Variants in DHX35 observed in about 807,000 individuals in gnomAD.
DHX35 encodes DEAH-box helicase 35.
In DHX35, 84 loss-of-function variants were observed where a neutral mutation model predicts 99.6. The observed-to-expected ratio is 0.84, with a 90% confidence interval of 0.71 to 1.01. The LOEUF (loss-of-function observed/expected upper bound fraction) is 1.01. DHX35 is among the 50% of genes least tolerant of loss of function. The pLI is 0.00. For missense variants in DHX35, 852 were observed against 888.5 expected (o/e 0.96, Z 0.52); for synonymous variants, 331 against 316.2 (o/e 1.05, Z -0.50).
At chr20:39,020,444 G>T (rs965169593) in intron 15 of DHX35, among the ~76,000 whole-genome samples, 1 of 152,172 alleles carries the variant, frequency 6.6e-6, no homozygotes, top group Non-Finnish European at 1.5e-5. Context: ...AGATCTGGAA[G>T]TCTTCTCGTA....
intron 19 of DHX35, chr20:39,030,089 C>T (rs1048978729): frequency 6.6e-6 from 1 of 151,810 alleles, no homozygotes; most frequent in Non-Finnish European, 1.5e-5. Context: ...AAGCGATTCT[C>T]CTGCCTCAGC....
chr20:38,977,844 G>T, intron 3 of DHX35: 1 of 560,218 alleles, frequency 1.8e-6, no homozygotes, highest in South Asian at 1.4e-5. Context: ...ATTCTGATTT[G>T]ACTTTTGTGC....
chr20:38,984,453 A>G (rs1190953606), intron 4 of DHX35, among the ~76,000 whole-genome samples: 5 of 152,224 alleles, frequency 3.3e-5, no homozygotes, highest in Non-Finnish European at 7.3e-5. Context: ...ATGAGATCAT[A>G]TTTAATATTT....
chr20:38,963,322 C>T (rs1284643950), intron 1 of DHX35, among the ~76,000 whole-genome samples: 1 of 152,176 alleles, frequency 6.6e-6, no homozygotes, highest in Non-Finnish European at 1.5e-5. Context: ...AAGTATATTG[C>T]AGCAAAAATG....
chr20:39,000,837 C>A (rs1052943010), intron 8 of DHX35, among the ~76,000 whole-genome samples: 1 of 152,124 alleles, frequency 6.6e-6, no homozygotes, highest in African/African-American at 2.4e-5. Context: ...AGCACTCCAC[C>A]CGACGGGATA....
chr20:38,980,828 C>A (rs1334628206), intron 3 of DHX35, among the ~76,000 whole-genome samples: 4 of 152,046 alleles, frequency 2.6e-5, no homozygotes, highest in African/African-American at 9.7e-5. Flanking sequence ...TACTAAGGTT[C>A]TTTTTTAGTT....
chr20:38,982,059 G>A (rs991836283), intron 3 of DHX35, among the ~76,000 whole-genome samples: 1 of 151,440 alleles, frequency 6.6e-6, no homozygotes, highest in Admixed American at 6.6e-5. Flanking sequence ...TGAATATTAA[G>A]CCATACATTA....
At chr20:39,020,699 CCTAGA>C (rs2086860805) in intron 15 of DHX35, among the ~76,000 whole-genome samples, 1 of 137,676 alleles carries the variant, frequency 7.3e-6, no homozygotes, top group Admixed American at 7.7e-5. Context: ...CACTCTGTCG[CCTAGA>C]CTAGAGTGCA....
Position 39,021,901 on chromosome 20 carries a change from T to C in DHX35, c.1559T>C (p.Ile520Thr). ...GCTGCCATGATGCAGATCCAGAATATCTTTGTGGTCCCCCCAAACCAGAAG... is the reference window on the plus strand; with the variant it reads ...GCTGCCATGATGCAGATCCAGAATACCTTTGTGGTCCCCCCAAACCAGAAG... ...SIAAMMQIQNIFVVPPNQKSH... is the reference protein window; with the variant it reads ...SIAAMMQIQNTFVVPPNQKSH... Residue 520 changes from isoleucine to threonine, a missense_variant, in exon 16 of 22, where the codon ATC becomes ACC. By Grantham distance (89) the Ile-to-Thr change is moderately conservative. Transcript: ENST00000252011. The C allele has an allele frequency of 6.2e-7, 1 of 1,614,176 alleles. No homozygotes were observed. The highest frequency in any genetic ancestry group is 8.5e-7 in the Non-Finnish European group (1 of 1,180,014).
intron 20 of DHX35, among the ~76,000 whole-genome samples, chr20:39,031,751 C>T (rs1356333985): frequency 1.3e-5 from 2 of 152,220 alleles, no homozygotes; most frequent in African/African-American, 2.4e-5. Flanking sequence ...CAGTGAGAGT[C>T]AGGGCAGGCT....
intron 3 of DHX35, among the ~76,000 whole-genome samples, chr20:38,976,431 T>C (rs1296270451): frequency 6.6e-6 from 1 of 151,796 alleles, no homozygotes; most frequent in African/African-American, 2.4e-5. Flanking sequence ...TTTTTTTTTT[T>C]TTTACTTATT....
At chr20:38,993,795 GA>G (rs1243465591) in intron 7 of DHX35, among the ~76,000 whole-genome samples, 1 of 151,924 alleles carries the variant, frequency 6.6e-6, no homozygotes, top group Admixed American at 6.6e-5. Context: ...TCATTGCAGA[GA>G]GTTCTTTTAG....
intron 20 of DHX35, among the ~76,000 whole-genome samples, chr20:39,031,290 G>A (rs1398360399): frequency 6.6e-6 from 1 of 151,596 alleles, no homozygotes; most frequent in African/African-American, 2.4e-5. Flanking sequence ...CCCTGCATGA[G>A]GCACAGCTAT....
Position 38,986,889 on chromosome 20 carries a change from A to T in DHX35, c.346-1924A>T, listed in dbSNP as rs201958006. ...CCAGGCAGAGCTGCTTCTGATCCTC[A>T]TCTGCTCTTCAGTGTCTTAAACACT... On this transcript the variant is annotated intron_variant, in intron 4 of 21. Transcript: ENST00000252011. Among the ~76,000 whole-genome samples the T allele has an allele frequency of 5.9e-5, 9 of 152,310 alleles. No homozygotes were observed. The East Asian group carries it at 1.7e-3, about 29-fold the overall frequency.
intron 3 of DHX35, chr20:38,978,479 G>C: frequency 5.8e-6 from 3 of 514,322 alleles, no homozygotes; most frequent in Non-Finnish European, 1.1e-5. Flanking sequence ...AATGACCCCT[G>C]CTCCAGAGAA....
intron 12 of DHX35, among the ~76,000 whole-genome samples, chr20:39,008,175 A>C (rs1266251249): frequency 6.6e-6 from 1 of 152,248 alleles, no homozygotes; most frequent in Non-Finnish European, 1.5e-5. Context: ...TTCTTTTAGC[A>C]TAATGGTTTT....
intron 11 of DHX35, 146 bp downstream of exon 11, chr20:39,004,053 A>G (rs1471483559): frequency 1.2e-5 from 11 of 943,212 alleles, no homozygotes; most frequent in Non-Finnish European, 1.6e-5. Flanking sequence ...ACAATAAATA[A>G]TACATTGTGA....
At chr20:39,012,691 G>A (rs1346414211) in intron 13 of DHX35, among the ~76,000 whole-genome samples, 1 of 152,030 alleles carries the variant, frequency 6.6e-6, no homozygotes, top group African/African-American at 2.4e-5. Context: ...CACCATGCTC[G>A]GTTAATTTTT....
At chr20:38,967,900 C>T (rs2085933061) in intron 1 of DHX35, among the ~76,000 whole-genome samples, 1 of 152,146 alleles carries the variant, frequency 6.6e-6, no homozygotes, top group East Asian at 1.9e-4. Context: ...TGGGAGAAGT[C>T]AGTCCCTGTC....
Sources: gnomAD v4.1 joint callset for allele counts (sites outside exome capture counted in the v4.1 genomes callset) on GRCh38, gnomAD v4.1.1 for gene constraint, MANE v1.5 for transcripts, NCBI Gene and HGNC (gene_info 2026-07-23, HGNC 2026-07-21) for gene names.